Variants in TBXAS1 observed in about 807,000 individuals in gnomAD.
The protein encoded by TBXAS1 is thromboxane A synthase 1.
Under a neutral mutation model 60.7 loss-of-function variants are expected in TBXAS1, and 48 were observed. The observed-to-expected ratio is 0.79, with a 90% CI of 0.63 to 1.01. The LOEUF (loss-of-function observed/expected upper bound fraction) is 1.01. TBXAS1 is among the 50% of genes least tolerant of loss of function. The pLI is 0.00. For missense variants in TBXAS1, 685 were observed against 686.3 expected (o/e 1.00, Z 0.02); for synonymous variants, 287 against 269.7 (o/e 1.06, Z -0.63).
intron 2 of TBXAS1, among the ~76,000 whole-genome samples, chr7:139,874,365 G>C (rs1235647582): frequency 6.6e-6 from 1 of 152,206 alleles, no homozygotes; most frequent in East Asian, 1.9e-4. Context: ...AAACGGCGTA[G>C]CTGTCGACAT....
intron 4 of TBXAS1, among the ~76,000 whole-genome samples, chr7:139,806,418 A>AAT (rs1797880101): frequency 6.6e-6 from 1 of 150,442 alleles, no homozygotes; most frequent in Non-Finnish European, 1.5e-5. Flanking sequence ...GCGCTCTACC[A>AAT]TACCCAGCTA....
chr7:139,809,565 G>A (rs1273616329), intron 4 of TBXAS1, among the ~76,000 whole-genome samples: 2 of 152,140 alleles, frequency 1.3e-5, no homozygotes, highest in East Asian at 3.8e-4. Flanking sequence ...CCCGTCTAAA[G>A]GCCTCGGAAC....
rs188779230 is a variant in TBXAS1 at position 139,873,537 on chromosome 7, G to C, written c.183+1209G>C. Among the ~76,000 whole-genome samples the C allele has an allele frequency of 2.0e-4, 31 of 152,298 alleles. No homozygotes were observed. In the East Asian group the frequency reaches 5.4e-3, roughly 27 times the overall value. ...GACAAATTAGTGTAGAGAATTCAAG[G>C]CAAAGTGAGTCAAACATAAGCCTAA... On this transcript the variant is annotated intron_variant, in intron 2 of 12. Transcript: ENST00000448866.
At chr7:140,011,293 C>G (rs982054477) in intron 10 of TBXAS1, among the ~76,000 whole-genome samples, 1 of 130,216 alleles carries the variant, frequency 7.7e-6, no homozygotes, top group Non-Finnish European at 1.6e-5. Context: ...AACAAACAAA[C>G]AAACAAACAA....
At chr7:139,873,083 A>G (rs1049511565) in intron 2 of TBXAS1, among the ~76,000 whole-genome samples, 5 of 152,186 alleles carry the variant, frequency 3.3e-5, no homozygotes, top group Non-Finnish European at 7.4e-5. Context: ...GGCTAAAATC[A>G]TCCTAAGGAA....
intron 3 of TBXAS1, among the ~76,000 whole-genome samples, chr7:139,786,214 C>G (rs1023265915): frequency 3.3e-5 from 5 of 151,514 alleles, no homozygotes; most frequent in South Asian, 2.1e-4. Context: ...GTTTTCTCAT[C>G]TATAGAGTGA....
At chr7:140,007,208 C>G in intron 10 of TBXAS1, 26 bp downstream of exon 10, 1 of 1,607,690 alleles carries the variant, frequency 6.2e-7, no homozygotes, top group Non-Finnish European at 8.5e-7. Context: ...CTCCCCTGCC[C>G]GAGTCCCCAC....
At chr7:139,783,635 G>A (rs1242801237) in intron 3 of TBXAS1, among the ~76,000 whole-genome samples, 1 of 152,202 alleles carries the variant, frequency 6.6e-6, no homozygotes, top group Non-Finnish European at 1.5e-5. Flanking sequence ...AATAAAGGTA[G>A]ACTGAGGAGA....
At chr7:139,898,304 T>C (rs935506135) in intron 3 of TBXAS1, among the ~76,000 whole-genome samples, 1 of 151,948 alleles carries the variant, frequency 6.6e-6, no homozygotes, top group Non-Finnish European at 1.5e-5. Flanking sequence ...GAAATAAAAC[T>C]GTCACGGAGA....
intron 1 of TBXAS1, among the ~76,000 whole-genome samples, chr7:139,858,364 T>C (rs1327162837): frequency 3.3e-5 from 5 of 152,214 alleles, no homozygotes; most frequent in African/African-American, 1.2e-4. Context: ...TTGGGGGACA[T>C]AATAAGTGGA....
At position 139,999,770 on chromosome 7, in the gene TBXAS1, T is replaced by C. The variant is rs1420732727; in HGVS notation, c.1135-7321T>C. 6.6e-6 allele frequency among the ~76,000 whole-genome samples: 1 copy of C among 152,220 alleles called. No individual in the cohort carries two copies. The highest frequency in any genetic ancestry group is 1.5e-5 in the Non-Finnish European group (1 of 68,028). On this transcript the variant is annotated intron_variant, in intron 9 of 12. Coordinates refer to ENST00000448866, the MANE Select transcript of TBXAS1 (RefSeq NM_001061.7). This position sits in a 1 kb window ranked among gnomAD's most constrained non-coding sequence, Gnocchi z 4.3. ...CAGCATCACTTGGCCTACTTCTTAGTATAAGACCAAGTCTAGTGACAGCTG... is the reference window on the plus strand; with the variant it reads ...CAGCATCACTTGGCCTACTTCTTAGCATAAGACCAAGTCTAGTGACAGCTG...
At chr7:139,841,958 T>TTTAAATTTTTTTTAAAA in intron 1 of TBXAS1, among the ~76,000 whole-genome samples, 1 of 152,210 alleles carries the variant, frequency 6.6e-6, no homozygotes, top group East Asian at 1.9e-4. Flanking sequence ...GATTGATTTT[T>TTTAAATTTTTTTTAAAA]TTTAAAAAAC....
intron 7 of TBXAS1, among the ~76,000 whole-genome samples, chr7:139,956,312 A>G (rs1012045664): frequency 1.3e-5 from 2 of 152,060 alleles, no homozygotes; most frequent in Admixed American, 6.5e-5. Context: ...ACGACCAGCT[A>G]ATTTTGTATT....
intron 3 of TBXAS1, among the ~76,000 whole-genome samples, chr7:139,906,488 G>C (rs1443884383): frequency 2.6e-5 from 4 of 151,974 alleles, no homozygotes; most frequent in Non-Finnish European, 4.4e-5. Context: ...ATTGATCTAT[G>C]TGTTTGTCTT....
At chr7:139,880,082 A>C (rs142766142) in intron 3 of TBXAS1, among the ~76,000 whole-genome samples, 2,325 of 152,188 alleles carry the variant, frequency 0.015, 34 homozygotes, top group African/African-American at 0.033. Context: ...CGGGGCTTCA[A>C]CATGTCGGCC....
rs34354515 is a variant in TBXAS1, at chr7:139,782,204, C to CTT, written c.-232-449_-232-448dup. On this transcript the variant is annotated intron_variant, in intron 2 of 16. Coordinates refer to the TBXAS1 transcript ENST00000336425. ...TTTAATCAATCATTTAAAAAAATCA[C>CTT]TTTTTTTTTTTTTTAACAGTACATG... is the stretch of plus-strand genomic sequence containing the variant. 1.5e-3 allele frequency among the ~76,000 whole-genome samples: 218 copies of CTT among 145,596 alleles called. 1 individual carries two copies. Among genetic ancestry groups the CTT allele is most frequent in the African/African-American group, 5.2e-3 (206 of 39,982 alleles).
chr7:140,008,005 A>G (rs1173231464), intron 10 of TBXAS1, among the ~76,000 whole-genome samples: 2 of 152,242 alleles, frequency 1.3e-5, no homozygotes, highest in Admixed American at 1.3e-4. Context: ...CAGAGAGTGA[A>G]GTAACAGCCA....
intron 6 of TBXAS1, 140 bp from the exon 7 acceptor site, chr7:139,955,319 G>A (rs1056249210): frequency 1.8e-6 from 2 of 1,128,316 alleles, no homozygotes; most frequent in Non-Finnish European, 2.6e-6. Context: ...CCCCAGATCT[G>A]CAGAAGCTCC....
chr7:139,849,698 C>G (rs547948682), intron 1 of TBXAS1, among the ~76,000 whole-genome samples: 1 of 152,064 alleles, frequency 6.6e-6, no homozygotes, highest in Non-Finnish European at 1.5e-5. Flanking sequence ...TGGGATGGGG[C>G]GGGGCCCTAA....
Sources: gnomAD v4.1 joint callset for allele counts (sites outside exome capture counted in the v4.1 genomes callset) on GRCh38, gnomAD v4.1.1 for gene constraint, Gnocchi (gnomAD v3.1) non-coding constraint, MANE v1.5 for transcripts, NCBI Gene and HGNC (gene_info 2026-07-23, HGNC 2026-07-21) for gene names.